The following PVT1 variants were observed in gnomAD, a reference collection of about 807,000 sequenced individuals.
PVT1 encodes Pvt1 oncogene.
chr8:127,991,143 T>TTTTC (rs757391420), intron 4 of PVT1, among the ~76,000 whole-genome samples: 2,476 of 73,504 alleles, frequency 0.034, 37 homozygotes, highest in South Asian at 0.077. Context: ...TTTCTTTCTT[T>TTTTC]TTTTTTTTTT....
chr8:127,870,842 C>A (rs1815343862), intron 2 of PVT1, among the ~76,000 whole-genome samples: 1 of 152,216 alleles, frequency 6.6e-6, no homozygotes, highest in Non-Finnish European at 1.5e-5. Context: ...CCCCAGCATG[C>A]AGCCTGAAAA....
chr8:128,086,110 G>A (rs1271197189), intron 5 of PVT1, among the ~76,000 whole-genome samples: 3 of 152,220 alleles, frequency 2.0e-5, no homozygotes, highest in Admixed American at 6.5e-5. Flanking sequence ...CTGGCTGTGA[G>A]TCGATAAGTT....
intron 3 of PVT1, among the ~76,000 whole-genome samples, chr8:127,911,895 CTG>C (rs1172363362): frequency 6.6e-6 from 1 of 152,224 alleles, no homozygotes; most frequent in East Asian, 1.9e-4. Context: ...ATTCAGTAAA[CTG>C]TTTTAACTGA....
chr8:128,002,032 G>A (rs770685350), intron 4 of PVT1, among the ~76,000 whole-genome samples: 5 of 152,274 alleles, frequency 3.3e-5, no homozygotes, highest in Non-Finnish European at 7.4e-5. Context: ...AATCCTGCTC[G>A]ACCGAATTCA....
intron 2 of PVT1, among the ~76,000 whole-genome samples, chr8:127,845,762 A>T (rs1815024422): frequency 6.6e-6 from 1 of 152,170 alleles, no homozygotes; most frequent in South Asian, 2.1e-4. Flanking sequence ...AGTAGACCTG[A>T]GATAATTGCA....
chr8:127,992,318 A>G (rs2130001085), intron 4 of PVT1, among the ~76,000 whole-genome samples: 1 of 152,356 alleles, frequency 6.6e-6, no homozygotes, highest in African/African-American at 2.4e-5. Context: ...ACTGGGAGGC[A>G]GAGTTGTAGT....
At chr8:128,064,391 T>C (rs913787277) in intron 4 of PVT1, among the ~76,000 whole-genome samples, 2 of 152,246 alleles carry the variant, frequency 1.3e-5, no homozygotes, top group African/African-American at 4.8e-5. Flanking sequence ...TGCACCGTCA[T>C]CTTTTCACCC....
intron 3 of PVT1, among the ~76,000 whole-genome samples, chr8:127,982,699 A>G (rs1816898746): frequency 6.6e-6 from 1 of 151,942 alleles, no homozygotes; most frequent in African/African-American, 2.4e-5. Flanking sequence ...GAATCAATTA[A>G]AAGAATTAAG....
intron 4 of PVT1, among the ~76,000 whole-genome samples, chr8:128,032,923 G>A (rs954473320): frequency 1.3e-5 from 2 of 152,204 alleles, no homozygotes; most frequent in Non-Finnish European, 2.9e-5. Context: ...TGGCTGAGGC[G>A]AGTGACCTCA....
intron 3 of PVT1, among the ~76,000 whole-genome samples, chr8:127,973,478 A>G (rs1816787122): frequency 6.6e-6 from 1 of 152,114 alleles, no homozygotes; most frequent in Non-Finnish European, 1.5e-5. Flanking sequence ...GTACTGTTGG[A>G]GTCAGAACTA....
chr8:127,824,369 G>A (rs1477329931), intron 2 of PVT1, among the ~76,000 whole-genome samples: 2 of 152,080 alleles, frequency 1.3e-5, no homozygotes, highest in Non-Finnish European at 2.9e-5. Flanking sequence ...TGTGTCCCAG[G>A]CTAATCTCAA....
chr8:127,840,242 T>C (rs146205392), intron 2 of PVT1, among the ~76,000 whole-genome samples: 2 of 152,320 alleles, frequency 1.3e-5, no homozygotes, highest in East Asian at 3.9e-4. Flanking sequence ...CGTCTTTCTC[T>C]ATGCTAGGTG....
intron 3 of PVT1, among the ~76,000 whole-genome samples, chr8:127,933,612 T>G (rs979917833): frequency 6.6e-6 from 1 of 152,204 alleles, no homozygotes; most frequent in African/African-American, 2.4e-5. Flanking sequence ...GATGCCCTTA[T>G]GCTGGAAGGG....
At chr8:127,952,371 T>C (rs1816515759) in intron 3 of PVT1, among the ~76,000 whole-genome samples, 1 of 152,156 alleles carries the variant, frequency 6.6e-6, no homozygotes, top group Admixed American at 6.5e-5. Flanking sequence ...CCCAGTGAGA[T>C]CATGTCTGTT....
intron 3 of PVT1, among the ~76,000 whole-genome samples, chr8:127,920,903 G>T (rs568045490): frequency 6.6e-6 from 1 of 152,224 alleles, no homozygotes; most frequent in Non-Finnish European, 1.5e-5. Flanking sequence ...ATGTTGACTT[G>T]TGAGTGTGTA....
At chr8:127,984,499 A>G (rs1432773456) in intron 3 of PVT1, among the ~76,000 whole-genome samples, 1 of 152,348 alleles carries the variant, frequency 6.6e-6, no homozygotes, top group East Asian at 1.9e-4. Flanking sequence ...TGAGAATAAC[A>G]AAGTGTTTAT....
At chr8:127,913,731 C>G (rs1815939553) in intron 3 of PVT1, among the ~76,000 whole-genome samples, 1 of 152,170 alleles carries the variant, frequency 6.6e-6, no homozygotes, top group Non-Finnish European at 1.5e-5. Context: ...ATCACCTACT[C>G]AGACACTCCA....
intron 3 of PVT1, among the ~76,000 whole-genome samples, chr8:127,950,181 G>A (rs976419831): frequency 6.6e-6 from 1 of 152,236 alleles, no homozygotes; most frequent in Non-Finnish European, 1.5e-5. Context: ...TACTGATGAT[G>A]CAGGCTTGAC....
intron 4 of PVT1, among the ~76,000 whole-genome samples, chr8:128,037,517 G>A (rs1813479645): frequency 6.6e-6 from 1 of 152,204 alleles, no homozygotes; most frequent in African/African-American, 2.4e-5. Context: ...GGAAGTGGGG[G>A]ACAGCCTTGA....
Sources: allele counts gnomAD v4.1 joint callset (sites outside exome capture counted in the v4.1 genomes callset), GRCh38; gene constraint gnomAD v4.1.1; transcripts MANE v1.5; gene names NCBI Gene and HGNC (gene_info 2026-07-23, HGNC 2026-07-21).